The following RASSF9 variants were observed in gnomAD, a reference collection of about 807,000 sequenced individuals.
The protein encoded by RASSF9 is ras association domain-containing protein 9.
RASSF9 carries 18 observed loss-of-function variants against 21.4 expected under a neutral mutation model. The ratio of observed to expected loss-of-function variants is 0.84; its 90% CI spans 0.58 to 1.25. The LOEUF (loss-of-function observed/expected upper bound fraction) is 1.25, where lower values mean the gene tolerates loss of function less well. Ranked by LOEUF, RASSF9 falls within the 50% of genes most tolerant of loss-of-function variation. The pLI is 0.00. For synonymous variants in RASSF9, 183 were observed against 179.1 expected, an observed-to-expected ratio of 1.02 and a Z score of -0.18; for missense variants, 480 against 503.2, an observed-to-expected ratio of 0.95 and a Z score of 0.44.
intron 1 of RASSF9, among the ~76,000 whole-genome samples, chr12:85,820,445 C>T (rs922547835): frequency 1.3e-5 from 2 of 151,990 alleles, no homozygotes; most frequent in African/African-American, 4.8e-5. Flanking sequence ...CATAAAGCCC[C>T]AAGAAAAGGA....
rs1318938521 is a variant in RASSF9 at position 85,802,243 on chromosome 12, A to G, written c.*2459T>C. ...ACTTTCTATCAAGTTCTATACTTAT[A>G]ATTCCAATTCTCACTTAATTTAATA... On this transcript the variant is annotated 3_prime_UTR_variant, in exon 2 of 2. Transcript: ENST00000361228. 1 of 152,228 alleles carries G rather than the reference A, an allele frequency of 6.6e-6. No homozygotes were observed. Among genetic ancestry groups the G allele is most frequent in the Non-Finnish European group, 1.5e-5 (1 of 68,046 alleles). 9.4% of individuals were successfully genotyped at this position (152,228 alleles called of 1,614,324 possible). A position where few individuals can be genotyped will look rare whatever the true frequency, so the allele number is the denominator to read the frequency against.
intron 1 of RASSF9, among the ~76,000 whole-genome samples, chr12:85,819,722 A>G (rs1880166282): frequency 6.6e-6 from 1 of 152,340 alleles, no homozygotes; most frequent in Admixed American, 6.5e-5. Flanking sequence ...TCCTAAGCCA[A>G]TGACTGATAG....
In RASSF9 at chr12:85,836,372, T is replaced by A; in HGVS notation, c.-171A>T. ...CGGCTGAGAAAGTTGCTGGAAGTTG[T>A]GCAACTGCTGCTTAACTTTGAACTG... On this transcript the variant is annotated 5_prime_UTR_variant, in exon 1 of 2. Transcript: ENST00000361228. 7.3e-7 allele frequency: 1 copy of A among 1,375,420 alleles called. No homozygotes were observed. Among genetic ancestry groups the A allele is most frequent in the Non-Finnish European group, 9.7e-7 (1 of 1,029,072 alleles). 85.2% of individuals were successfully genotyped at this position (1,375,420 alleles called of 1,614,324 possible).
At chr12:85,834,539 A>C (rs1880519921) in intron 1 of RASSF9, among the ~76,000 whole-genome samples, 1 of 152,118 alleles carries the variant, frequency 6.6e-6, no homozygotes, top group South Asian at 2.1e-4. Context: ...GGGCGCATGC[A>C]AAGTTTTATT....
chr12:85,812,940 TAAG>T (rs1879982862), intron 1 of RASSF9, among the ~76,000 whole-genome samples: 1 of 151,768 alleles, frequency 6.6e-6, no homozygotes, highest in Non-Finnish European at 1.5e-5. Flanking sequence ...CTTAACCAAA[TAAG>T]AGGCGTTTTA....
In RASSF9 at chr12:85,804,362, A is replaced by G. The variant is rs775730865; in HGVS notation, c.*340T>C. The G allele has an allele frequency of 1.0e-5, 2 of 191,714 alleles. No individual in the cohort carries two copies. The highest frequency in any genetic ancestry group is 2.1e-5 in the Non-Finnish European group (2 of 94,310). 11.9% of individuals were successfully genotyped at this position (191,714 alleles called of 1,614,324 possible). On this transcript the variant is annotated 3_prime_UTR_variant, in exon 2 of 2. Coordinates refer to ENST00000361228, the MANE Select transcript of RASSF9 (RefSeq NM_005447.4). ...TACTTCTTCATGTTTGAATATTTGG[A>G]CTGTCTAATATTGAGGATTGCTTTT...
At chr12:85,835,836 A>G (rs1283152198) in intron 1 of RASSF9, among the ~76,000 whole-genome samples, 1 of 152,160 alleles carries the variant, frequency 6.6e-6, no homozygotes, top group African/African-American at 2.4e-5. Context: ...GGGCAACAAA[A>G]AAAGAAACTG....
chr12:85,815,087 T>C (rs1880031194), intron 1 of RASSF9, among the ~76,000 whole-genome samples: 1 of 151,530 alleles, frequency 6.6e-6, no homozygotes, highest in Non-Finnish European at 1.5e-5. Context: ...ACTCAAAGGT[T>C]AAGGAAAGAG....
intron 1 of RASSF9, among the ~76,000 whole-genome samples, chr12:85,832,000 A>C (rs1880462175): frequency 6.6e-6 from 1 of 151,938 alleles, no homozygotes; most frequent in Admixed American, 6.6e-5. Flanking sequence ...ATTCAGGACA[A>C]GCAAATTTTT....
intron 1 of RASSF9, among the ~76,000 whole-genome samples, chr12:85,807,742 T>C (rs756757485): frequency 8.6e-5 from 13 of 152,036 alleles, no homozygotes; most frequent in Non-Finnish European, 1.6e-4. Context: ...AAAAAAACAC[T>C]TCAGTTCTCT....
chr12:85,812,015 CAAGAATGG>C (rs1401561652), intron 1 of RASSF9, among the ~76,000 whole-genome samples: 6 of 151,680 alleles, frequency 4.0e-5, no homozygotes. Flanking sequence ...TTGTCCATTT[CAAGAATGG>C]TTCCTAACAA....
chr12:85,827,290 A>G (rs985255770), intron 1 of RASSF9, among the ~76,000 whole-genome samples: 2 of 152,156 alleles, frequency 1.3e-5, no homozygotes, highest in South Asian at 2.1e-4. Context: ...TCACTCACTC[A>G]GTACAAATTT....
intron 1 of RASSF9, among the ~76,000 whole-genome samples, chr12:85,813,846 G>A (rs56752585): frequency 0.016 from 2,385 of 152,066 alleles, 48 homozygotes; most frequent in African/African-American, 0.054. Flanking sequence ...GATGCAATCT[G>A]TAAATATTTA....
intron 1 of RASSF9, among the ~76,000 whole-genome samples, chr12:85,812,821 T>C (rs1879981167): frequency 6.6e-6 from 1 of 151,724 alleles, no homozygotes; most frequent in South Asian, 2.1e-4. Context: ...ACTATAGTAG[T>C]TAGCAATATT....
rs112741704 is a variant in RASSF9, at chr12:85,809,668, AATGATGATGATGATGATG to A, written c.48-3724_48-3707del. Among the ~76,000 whole-genome samples the A allele has an allele frequency of 7.9e-5, 11 of 139,276 alleles. 1 individual carries two copies. Among genetic ancestry groups the A allele is most frequent in the Middle Eastern group, 6.8e-3 (2 of 292 alleles). The allele number at this position is 139,276 out of a possible 152,430, so 91.4% of individuals were successfully genotyped here. A position where few individuals can be genotyped will look rare whatever the true frequency, so the allele number is the denominator to read the frequency against. On this transcript the variant is annotated intron_variant, in intron 1 of 1. Coordinates refer to ENST00000361228, the MANE Select transcript of RASSF9 (RefSeq NM_005447.4). ...TCATTTTTAATAGTAGAATAGTAAT[AATGATGATGATGATGATG>A]ATGATGATGATGATGATGATGATGA... is the stretch of plus-strand genomic sequence containing the variant.
At chr12:85,825,210 T>C (rs539160795) in intron 1 of RASSF9, among the ~76,000 whole-genome samples, 2 of 152,304 alleles carry the variant, frequency 1.3e-5, no homozygotes, top group East Asian at 3.9e-4. Flanking sequence ...ACCATGTTGA[T>C]ACTTCTACAA....
intron 1 of RASSF9, among the ~76,000 whole-genome samples, chr12:85,819,561 A>T (rs1880163127): frequency 1.3e-5 from 2 of 152,234 alleles, no homozygotes; most frequent in Non-Finnish European, 2.9e-5. Context: ...ACCAATGAGG[A>T]TGTACTAAAA....
intron 1 of RASSF9, among the ~76,000 whole-genome samples, chr12:85,816,825 G>T (rs1019077348): frequency 6.6e-6 from 1 of 152,066 alleles, no homozygotes; most frequent in African/African-American, 2.4e-5. Flanking sequence ...TTTCTAGATA[G>T]AACATCTTAT....
In RASSF9 at chr12:85,836,178, C is replaced by A. The variant is rs779184582; in HGVS notation, c.24G>T (p.Leu8Phe). 31 of 1,524,650 alleles carry A rather than the reference C, an allele frequency of 2.0e-5. No homozygotes were observed. The highest frequency in any genetic ancestry group is 2.5e-5 in the Non-Finnish European group (28 of 1,132,470). The allele number at this position is 1,524,650 out of a possible 1,614,324, so 94.4% of individuals were successfully genotyped here. A position where few individuals can be genotyped will look rare whatever the true frequency, so the allele number is the denominator to read the frequency against. The change falls in exon 1 of 2, where the codon TTG (leucine) becomes TTT (phenylalanine). Residue 8 changes from leucine to phenylalanine, a missense_variant. Coordinates refer to ENST00000361228, the MANE Select transcript of RASSF9 (RefSeq NM_005447.4). MAPFGRNLLKTRHKNRSP... is the reference protein window; with the variant it reads MAPFGRNFLKTRHKNRSP... ...ACCTGTTTTTATGCCGAGTCTTTAG[C>A]AAGTTTCTTCCAAAGGGAGCCATGG... is the stretch of plus-strand genomic sequence containing the variant.
Sources: gnomAD v4.1 joint callset for allele counts (sites outside exome capture counted in the v4.1 genomes callset) on GRCh38, gnomAD v4.1.1 for gene constraint, MANE v1.5 for transcripts, NCBI Gene and HGNC (gene_info 2026-07-23, HGNC 2026-07-21) for gene names.